Variants in TLL1 observed in about 807,000 individuals in gnomAD.
The protein encoded by TLL1 is tolloid-like protein 1.
Under a neutral mutation model 128.2 loss-of-function variants are expected in TLL1, and 49 were observed. The observed-to-expected ratio is 0.38, with a 90% CI of 0.30 to 0.48. TLL1 has a LOEUF of 0.48. Ranked by LOEUF, TLL1 falls within the 20% of genes least tolerant of loss-of-function variation. The pLI, the probability that TLL1 is intolerant of heterozygous loss-of-function variation, is 0.96. For missense variants in TLL1, 1,123 were observed against 1,242.0 expected (o/e 0.90, Z 1.44); for synonymous variants, 454 against 418.8 (o/e 1.08, Z -1.03).
chr4:166,020,666 T>C (rs1014683878), intron 8 of TLL1, among the ~76,000 whole-genome samples: 7 of 152,220 alleles, frequency 4.6e-5, no homozygotes, highest in African/African-American at 1.2e-4. Context: ...ATCTGCATTT[T>C]ATCTTAATTT....
At chr4:165,905,221 G>T (rs1732196714) in intron 1 of TLL1, among the ~76,000 whole-genome samples, 1 of 152,136 alleles carries the variant, frequency 6.6e-6, no homozygotes, top group African/African-American at 2.4e-5. Context: ...TTACCAAAGA[G>T]AAATGAAAGC....
intron 1 of TLL1, among the ~76,000 whole-genome samples, chr4:165,955,264 A>T (rs186228523): frequency 5.9e-5 from 9 of 152,156 alleles, no homozygotes; most frequent in Non-Finnish European, 1.2e-4. Flanking sequence ...AAATTATAAA[A>T]TGAACAAAAT....
At chr4:166,051,210 T>A (rs1560836505) in intron 12 of TLL1, among the ~76,000 whole-genome samples, 2 of 152,156 alleles carry the variant, frequency 1.3e-5, no homozygotes, top group Admixed American at 6.5e-5. Context: ...ATGCTTTAAC[T>A]CAAAAAGAAA....
intron 1 of TLL1, among the ~76,000 whole-genome samples, chr4:165,891,028 C>T (rs1731378791): frequency 6.6e-6 from 1 of 152,192 alleles, no homozygotes; most frequent in African/African-American, 2.4e-5. Context: ...CACACCACCA[C>T]ATATAAGCCA....
chr4:166,035,561 G>A (rs1463628073), intron 9 of TLL1, among the ~76,000 whole-genome samples: 2 of 152,094 alleles, frequency 1.3e-5, no homozygotes, highest in Non-Finnish European at 2.9e-5. Flanking sequence ...GAACTGAGAA[G>A]TTAGAACTTG....
At chr4:165,886,452 CT>C (rs1731166473) in intron 1 of TLL1, among the ~76,000 whole-genome samples, 1 of 152,090 alleles carries the variant, frequency 6.6e-6, no homozygotes, top group Non-Finnish European at 1.5e-5. Context: ...GATGTGTTCT[CT>C]TCCTAAAAGG....
At chr4:166,028,764 T>G (rs1458870939) in intron 9 of TLL1, among the ~76,000 whole-genome samples, 1 of 152,012 alleles carries the variant, frequency 6.6e-6, no homozygotes, top group Non-Finnish European at 1.5e-5. Context: ...AAAACTCTAT[T>G]TCGTCTATTA....
At chr4:166,057,442 T>C in intron 14 of TLL1, 133 bp downstream of exon 14, 2 of 1,339,010 alleles carry the variant, frequency 1.5e-6, no homozygotes, top group Non-Finnish European at 2.1e-6. Flanking sequence ...TAAGACTCAA[T>C]TCACAGTCAC....
chr4:166,077,950 C>G lies in TLL1; in HGVS notation c.2362C>G (p.Pro788Ala), dbSNP rs781755818. The G allele has an allele frequency of 3.7e-6, 6 of 1,613,618 alleles. No homozygotes were observed. Among genetic ancestry groups the G allele is most frequent in the Non-Finnish European group, 4.2e-6 (5 of 1,179,762 alleles). ...CAGTCCAAGTGGCCTCATCACCAGTCCCAACTGGCCAGACAAGTACCCAAG... is the reference window on the plus strand; with the variant it reads ...CAGTCCAAGTGGCCTCATCACCAGTGCCAACTGGCCAGACAAGTACCCAAG... ...IHSPSGLITS[P>A]NWPDKYPSRK... Residue 788 changes from proline to alanine, a missense_variant, in exon 18 of 21, where the codon CCC becomes GCC. Around this residue, in one of 3 missense-constraint regions of TLL1, gnomAD observed 634 missense variants for 672.4 expected, o/e 0.94. Transcript: ENST00000061240.
chr4:165,965,453 T>C (rs1242419657), intron 1 of TLL1, among the ~76,000 whole-genome samples: 8 of 152,234 alleles, frequency 5.3e-5, no homozygotes, highest in African/African-American at 1.9e-4. Flanking sequence ...TTGGGCACTT[T>C]ATTTCTTGGA....
intron 2 of TLL1, among the ~76,000 whole-genome samples, chr4:165,989,956 C>T (rs561863706): frequency 2.1e-4 from 32 of 151,614 alleles, no homozygotes; most frequent in Non-Finnish European, 4.0e-4. Flanking sequence ...TATTGAGTTG[C>T]AAAATGTAAA....
At chr4:165,982,570 G>A (rs560517710) in intron 1 of TLL1, among the ~76,000 whole-genome samples, 115 of 151,684 alleles carry the variant, frequency 7.6e-4, no homozygotes, top group Non-Finnish European at 1.3e-4. Flanking sequence ...GTGCCAAAAG[G>A]GAAGTCTTTT....
At chr4:165,962,656 CCAGGTGCT>C (rs1348631004) in intron 1 of TLL1, among the ~76,000 whole-genome samples, 1 of 152,002 alleles carries the variant, frequency 6.6e-6, no homozygotes, top group African/African-American at 2.4e-5. Context: ...GCAAGGTAAG[CCAGGTGCT>C]CATCAATGGT....
At chr4:166,053,339 T>C (rs879449769) in intron 12 of TLL1, 10 of 152,086 alleles carry the variant, frequency 6.6e-5, no homozygotes, top group Non-Finnish European at 1.2e-4. Flanking sequence ...TATTTTTCCA[T>C]TGAATTTATG....
chr4:166,004,704 A>G (rs1737330211), intron 6 of TLL1, among the ~76,000 whole-genome samples: 1 of 152,128 alleles, frequency 6.6e-6, no homozygotes. Flanking sequence ...CTACAATTAC[A>G]GAAAATTGAA....
intron 9 of TLL1, among the ~76,000 whole-genome samples, chr4:166,029,170 C>T (rs1738639271): frequency 6.6e-6 from 1 of 151,430 alleles, no homozygotes; most frequent in Admixed American, 6.6e-5. Flanking sequence ...GTTTTTTTAT[C>T]ATTTCGTATT....
chr4:165,927,201 T>C (rs568703382), intron 1 of TLL1, among the ~76,000 whole-genome samples: 1 of 152,296 alleles, frequency 6.6e-6, no homozygotes, highest in East Asian at 1.9e-4. Flanking sequence ...TTGGAAGATA[T>C]ATACTAAAAG....
At chr4:166,009,869 A>G (rs1737606410) in intron 7 of TLL1, among the ~76,000 whole-genome samples, 1 of 151,398 alleles carries the variant, frequency 6.6e-6, no homozygotes, top group African/African-American at 2.4e-5. Context: ...CATTTTAGGC[A>G]TACAAGTCAG....
intron 16 of TLL1, among the ~76,000 whole-genome samples, chr4:166,073,356 TGGAATA>T (rs1740876319): frequency 6.6e-6 from 1 of 152,170 alleles, no homozygotes; most frequent in African/African-American, 2.4e-5. Flanking sequence ...ATACAGCTAA[TGGAATA>T]GGAGTTCAAA....
Sources: allele counts gnomAD v4.1 joint callset (sites outside exome capture counted in the v4.1 genomes callset), GRCh38; gene constraint gnomAD v4.1.1; regional missense constraint gnomAD v4.1.1; transcripts MANE v1.5; gene names NCBI Gene and HGNC (gene_info 2026-07-23, HGNC 2026-07-21).